The following SEZ6L2 variants were observed in gnomAD, a reference collection of about 807,000 sequenced individuals.
The protein encoded by SEZ6L2 is seizure 6-like protein 2.
Under a neutral mutation model 97.0 loss-of-function variants are expected in SEZ6L2, and 44 were observed. That is an observed-to-expected ratio of 0.45 (90% CI 0.36 to 0.58). SEZ6L2 has a LOEUF of 0.58. Ranked by LOEUF, SEZ6L2 falls within the 20% of genes least tolerant of loss-of-function variation. The pLI is 0.00. For synonymous variants in SEZ6L2, 543 were observed against 546.1 expected (o/e 0.99, Z 0.08); for missense variants, 1,086 against 1,233.3 (o/e 0.88, Z 1.79).
Position 29,896,884 on chromosome 16 carries a change from T to A in SEZ6L2, c.449A>T (p.Glu150Val). 1 of 1,613,022 alleles carries A rather than the reference T, an allele frequency of 6.2e-7. No individual in the cohort carries two copies. Among genetic ancestry groups the A allele is most frequent in the Non-Finnish European group, 8.5e-7 (1 of 1,179,606 alleles). ...GATGATGGTGGTCGTCGTCTCCTCCTCTCCTCCCTCAGGCCCAAGGGGAGG... is the reference window on the plus strand; with the variant it reads ...GATGATGGTGGTCGTCGTCTCCTCCACTCCTCCCTCAGGCCCAAGGGGAGG... ...PGPPLGPEGG[E>V]EETTTTIITT... The change falls in exon 3 of 18, where the codon GAG becomes GTG. Residue 150 changes from glutamate to valine, a missense_variant. By Grantham distance (121) the Glu-to-Val change is moderately radical. Transcript: ENST00000617533.
In SEZ6L2 at chr16:29,874,550, G is replaced by GGTT. The variant is rs2067858857; in HGVS notation, c.2105-822_2105-821insAAC. Among the ~76,000 whole-genome samples, 12 of 32,526 alleles carry GGTT rather than the reference G, an allele frequency of 3.7e-4. 1 individual carries two copies. The highest frequency in any genetic ancestry group is 7.7e-4 in the Non-Finnish European group (11 of 14,232). 21.3% of individuals were successfully genotyped at this position (32,526 alleles called of 152,430 possible). On this transcript the variant is annotated intron_variant, in intron 12 of 17. Coordinates refer to ENST00000617533, the MANE Select transcript of SEZ6L2 (RefSeq NM_001243332.2). ...AATATAATTCTTTGTGTGTGTGCTTGTTTTTTTTTTTTTTTTTTTTTTTTT... is the reference window on the plus strand; with the variant it reads ...AATATAATTCTTTGTGTGTGTGCTTGGTTTTTTTTTTTTTTTTTTTTTTTTTTT...
chr16:29,872,798 T>C, intron 14 of SEZ6L2, 55 bp from the exon 15 acceptor site: 1 of 1,193,256 alleles, frequency 8.4e-7, no homozygotes, highest in Non-Finnish European at 1.2e-6. Context: ...GGGAGGAGGC[T>C]GGGAGGGGCC....
chr16:29,871,593 G>T lies in SEZ6L2; in HGVS notation c.*106C>A. 8.8e-7 allele frequency: 1 copy of T among 1,142,304 alleles called. No individual in the cohort carries two copies. The highest frequency in any genetic ancestry group is 2.2e-4 in the Middle Eastern group (1 of 4,472). The allele number at this position is 1,142,304 out of a possible 1,614,324, so 70.8% of individuals were successfully genotyped here. On this transcript the variant is annotated 3_prime_UTR_variant, in exon 18 of 18. Coordinates refer to ENST00000617533, the MANE Select transcript of SEZ6L2 (RefSeq NM_001243332.2). ...GTGGGATAGGGAGACTATTTACACA[G>T]CCAGGGAGGAGGGCAGCCAGGAGGC...
intron 1 of SEZ6L2, 123 bp downstream of exon 1, chr16:29,898,818 C>G: frequency 1.4e-6 from 1 of 733,300 alleles, no homozygotes; most frequent in Non-Finnish European, 2.2e-6. Context: ...TGCCCCTTCC[C>G]CATCAGCTGT....
Position 29,899,172 on chromosome 16 carries a change from C to T in SEZ6L2, c.-153G>A. ...GCAAAGAAAGACAATTTCTCTGCCC[C>T]TTGGGATGGAGGGGCAGAATTGGGC... On this transcript the variant is annotated 5_prime_UTR_variant, in exon 1 of 18. Coordinates refer to ENST00000617533, the MANE Select transcript of SEZ6L2 (RefSeq NM_001243332.2). 1.6e-6 allele frequency: 1 copy of T among 633,086 alleles called. No individual in the cohort carries two copies. The allele number at this position is 633,086 out of a possible 1,614,324, so 39.2% of individuals were successfully genotyped here.
At chr16:29,880,282 C>A (rs1170416643) in intron 8 of SEZ6L2, among the ~76,000 whole-genome samples, 1 of 151,746 alleles carries the variant, frequency 6.6e-6, no homozygotes, top group East Asian at 1.9e-4. Context: ...CATGCCTCAG[C>A]CTCCCAGGTA....
In SEZ6L2 at chr16:29,871,634, T is replaced by C; in HGVS notation, c.*65A>G. On this transcript the variant is annotated 3_prime_UTR_variant, in exon 18 of 18. Coordinates refer to ENST00000617533, the MANE Select transcript of SEZ6L2 (RefSeq NM_001243332.2). ...GCCAGGAGGCAGAGACCGGGTCCCG[T>C]ATTTCCCTCTGCCCGAATGAGGAGG... 1 of 1,522,920 alleles carries C rather than the reference T, an allele frequency of 6.6e-7. No homozygotes were observed. Among genetic ancestry groups the C allele is most frequent in the Non-Finnish European group, 9.0e-7 (1 of 1,111,966 alleles). The allele number at this position is 1,522,920 out of a possible 1,614,324, so 94.3% of individuals were successfully genotyped here.
At chr16:29,877,229 C>G in intron 11 of SEZ6L2, 42 bp downstream of exon 11, 1 of 1,497,238 alleles carries the variant, frequency 6.7e-7, no homozygotes, top group Non-Finnish European at 8.9e-7. Flanking sequence ...GATCTCTGGC[C>G]TGCCCGACCC....
intron 5 of SEZ6L2, 25 bp downstream of exon 5, chr16:29,895,234 C>G: frequency 2.5e-6 from 4 of 1,592,772 alleles, no homozygotes; most frequent in Non-Finnish European, 3.4e-6. Flanking sequence ...CCCTGCCCTT[C>G]CAGCAGCACC....
In SEZ6L2 at chr16:29,873,374, T is replaced by C. The variant is rs746633146; in HGVS notation, c.2354A>G (p.Tyr785Cys). The change falls in exon 14 of 18, where the codon TAC (tyrosine) becomes TGC (cysteine). Residue 785 changes from tyrosine (Y) to cysteine (C), a missense_variant. This residue lies in a region of SEZ6L2 where 310 missense variants were observed against 438.6 expected (regional missense o/e 0.71). Coordinates refer to ENST00000617533, the MANE Select transcript of SEZ6L2 (RefSeq NM_001243332.2). The surrounding 1 kb of genome is among the most constrained non-coding windows in gnomAD (Gnocchi z 4.3). ...GVPENGYQTL[Y>C]KHHYQAGESL... ...CTCGCCCGCCTGGTAGTGGTGCTTGTACAGCGTCTGGTAGCCATTCTCGGG... is the reference window on the plus strand; with the variant it reads ...CTCGCCCGCCTGGTAGTGGTGCTTGCACAGCGTCTGGTAGCCATTCTCGGG... 6.2e-7 allele frequency: 1 copy of C among 1,614,224 alleles called. No homozygotes were observed. The highest frequency in any genetic ancestry group is 8.5e-7 in the Non-Finnish European group (1 of 1,180,036).
At chr16:29,892,494 T>A (rs74017646) in intron 5 of SEZ6L2, among the ~76,000 whole-genome samples, 9,941 of 152,122 alleles carry the variant, frequency 0.065, 948 homozygotes, top group East Asian at 0.32. Flanking sequence ...AATAACCAGG[T>A]CCCTACTGCC....
At position 29,880,175 on chromosome 16, in the gene SEZ6L2, T is replaced by C; in HGVS notation, c.1373-111A>G. 2.9e-6 allele frequency: 3 copies of C among 1,024,816 alleles called. No individual in the cohort carries two copies. The East Asian group carries it at 7.9e-5, about 27-fold the overall frequency. The allele number at this position is 1,024,816 out of a possible 1,614,324, so 63.5% of individuals were successfully genotyped here. Reference sequence around the variant, plus strand: ...TCTTTGGCCACTCACTGGGCTTTTTTTTTTTTTTAAACAGTCTTGTGCTGT... The same window carrying C: ...TCTTTGGCCACTCACTGGGCTTTTTCTTTTTTTTAAACAGTCTTGTGCTGT... On this transcript the variant is annotated intron_variant, in intron 8 of 17. Coordinates refer to ENST00000617533, the MANE Select transcript of SEZ6L2 (RefSeq NM_001243332.2).
chr16:29,875,091 TC>T (rs1157853442), intron 12 of SEZ6L2, among the ~76,000 whole-genome samples: 1 of 152,116 alleles, frequency 6.6e-6, no homozygotes, highest in African/African-American at 2.4e-5. Context: ...CCCAGGCTGT[TC>T]TCAATCTCCT....
At position 29,873,807 on chromosome 16, in the gene SEZ6L2, C is replaced by T; in HGVS notation, c.2105-78G>A. The T allele has an allele frequency of 7.4e-7, 1 of 1,358,966 alleles. No homozygotes were observed. Among genetic ancestry groups the T allele is most frequent in the Non-Finnish European group, 9.9e-7 (1 of 1,014,168 alleles). The allele number at this position is 1,358,966 out of a possible 1,614,324, so 84.2% of individuals were successfully genotyped here. On this transcript the variant is annotated intron_variant, in intron 12 of 17. Coordinates refer to ENST00000617533, the MANE Select transcript of SEZ6L2 (RefSeq NM_001243332.2). This position sits in a 1 kb window ranked among gnomAD's most constrained non-coding sequence, Gnocchi z 4.3. The stretch of plus-strand genomic sequence containing the variant: ...TGGGCAACACAGAGAGACCCCATCT[C>T]TACAAAAAATTGAAAAATTAGCCAG...
At chr16:29,888,862 C>T (rs924593117) in intron 5 of SEZ6L2, 137 bp from the exon 6 acceptor site, 3 of 723,054 alleles carry the variant, frequency 4.1e-6, no homozygotes, top group Non-Finnish European at 2.1e-6. Context: ...GCGTACATAC[C>T]GAGAAATAAG....
Position 29,871,497 on chromosome 16 carries a change from A to T in SEZ6L2, c.*202T>A. The T allele has an allele frequency of 1.6e-6, 1 of 628,636 alleles. No homozygotes were observed. The highest frequency in any genetic ancestry group is 2.9e-6 in the Non-Finnish European group (1 of 348,612). 38.9% of individuals were successfully genotyped at this position (628,636 alleles called of 1,614,324 possible). A position where few individuals can be genotyped will look rare whatever the true frequency, so the allele number is the denominator to read the frequency against. ...GCAGGCCCCTCGTTTGGCAACTGAGAAGAGGCGGCTTTGGGCGGCAGGATG... is the reference window on the plus strand; with the variant it reads ...GCAGGCCCCTCGTTTGGCAACTGAGTAGAGGCGGCTTTGGGCGGCAGGATG... On this transcript the variant is annotated 3_prime_UTR_variant, in exon 18 of 18. Coordinates refer to ENST00000617533, the MANE Select transcript of SEZ6L2 (RefSeq NM_001243332.2).
chr16:29,871,635 A>G lies in SEZ6L2; in HGVS notation c.*64T>C, dbSNP rs1347327339. On this transcript the variant is annotated 3_prime_UTR_variant, in exon 18 of 18. Transcript: ENST00000617533. The stretch of plus-strand genomic sequence containing the variant: ...CCAGGAGGCAGAGACCGGGTCCCGT[A>G]TTTCCCTCTGCCCGAATGAGGAGGG... 3.9e-6 allele frequency: 6 copies of G among 1,532,018 alleles called. No homozygotes were observed. The highest frequency in any genetic ancestry group is 2.7e-5 in the African/African-American group (2 of 72,998). The allele number at this position is 1,532,018 out of a possible 1,614,324, so 94.9% of individuals were successfully genotyped here.
chr16:29,899,039 TCTC>T lies in SEZ6L2; in HGVS notation c.-23_-21del. ...CCCCATGGCGACTCACCCCGATCTC[TCTC>T]CTCTGTGCCTCTCTAAGTAATCTGG... On this transcript the variant is annotated 5_prime_UTR_variant, in exon 1 of 18. Coordinates refer to ENST00000617533, the MANE Select transcript of SEZ6L2 (RefSeq NM_001243332.2). 1 of 1,589,940 alleles carries T rather than the reference TCTC, an allele frequency of 6.3e-7. No individual in the cohort carries two copies. The highest frequency in any genetic ancestry group is 1.3e-5 in the African/African-American group (1 of 74,218).
In SEZ6L2 at chr16:29,884,429, T is replaced by G. The variant is rs912647858; in HGVS notation, c.1372+1157A>C. On this transcript the variant is annotated intron_variant, in intron 8 of 17. Coordinates refer to ENST00000617533, the MANE Select transcript of SEZ6L2 (RefSeq NM_001243332.2). ...CAACATGGTGAAACCCCGTCTCTAC[T>G]AAAAACCCAAAAATTAGCTGGGCGT... is the stretch of plus-strand genomic sequence containing the variant. 4.6e-5 allele frequency among the ~76,000 whole-genome samples: 7 copies of G among 151,788 alleles called. No homozygotes were observed. In the East Asian group the frequency reaches 5.8e-4, roughly 13 times the overall value.
Sources: allele counts gnomAD v4.1 joint callset (sites outside exome capture counted in the v4.1 genomes callset), GRCh38; gene constraint gnomAD v4.1.1; regional missense constraint gnomAD v4.1.1; non-coding constraint Gnocchi (gnomAD v3.1); transcripts MANE v1.5; gene names NCBI Gene and HGNC (gene_info 2026-07-23, HGNC 2026-07-21).